HECTD4: variants seen among roughly 807,000 people sequenced by gnomAD.
The protein encoded by HECTD4 is probable E3 ubiquitin-protein ligase HECTD4.
In HECTD4, 114 loss-of-function variants were observed where a neutral mutation model predicts 471.5. The observed-to-expected ratio is 0.24, with a 90% CI of 0.21 to 0.28. The LOEUF (loss-of-function observed/expected upper bound fraction) is 0.28. HECTD4 is among the 10% of genes least tolerant of loss of function. The pLI is 1.00. For missense variants in HECTD4, 3,866 were observed against 5,651.5 expected, an observed-to-expected ratio of 0.68 and a Z score of 10.13; for synonymous variants, 2,012 against 2,256.0, an observed-to-expected ratio of 0.89 and a Z score of 3.07.
At chr12:112,280,066 C>T (rs1417393400) in intron 8 of HECTD4, among the ~76,000 whole-genome samples, 3 of 151,598 alleles carry the variant, frequency 2.0e-5, no homozygotes, top group African/African-American at 7.3e-5. Flanking sequence ...TTTTTTTTCC[C>T]ATTTTATATA....
At chr12:112,324,237 A>G (rs1478605172) in intron 1 of HECTD4, among the ~76,000 whole-genome samples, 1 of 149,814 alleles carries the variant, frequency 6.7e-6, no homozygotes, top group Non-Finnish European at 1.5e-5. Flanking sequence ...ATCCCACCTC[A>G]GCCTCCTGAG....
At position 112,231,540 on chromosome 12, in the gene HECTD4, C is replaced by G. The variant is rs1258349731; in HGVS notation, c.6173G>C (p.Cys2058Ser). The G allele has an allele frequency of 6.2e-7, 1 of 1,614,044 alleles. No homozygotes were observed. ...DKKKTAQTSI[C>S]RERNSELART... Reference sequence around the variant, plus strand: ...TGCAAGCTCCGAGTTCCTCTCTCGGCAAATGGAAGTTTGGGCAGTTTTCTT... The same window carrying G: ...TGCAAGCTCCGAGTTCCTCTCTCGGGAAATGGAAGTTTGGGCAGTTTTCTT... Residue 2058 changes from cysteine (C) to serine (S), a missense_variant, in exon 39 of 76, where the codon TGC becomes TCC. This residue lies in a region of HECTD4 where 617 missense variants were observed against 915.1 expected (regional missense o/e 0.67). Transcript: ENST00000682272.
intron 1 of HECTD4, among the ~76,000 whole-genome samples, chr12:112,340,057 A>G (rs747175625): frequency 6.6e-6 from 1 of 151,994 alleles, no homozygotes; most frequent in Non-Finnish European, 1.5e-5. Flanking sequence ...AAAAAAAAAG[A>G]AAAGAAAACT....
At position 112,162,654 on chromosome 12, in the gene HECTD4, G is replaced by C; in HGVS notation, c.13121-131C>G. Reference sequence around the variant, plus strand: ...AAGCCAATCCTGGGGCCCAGCAGGAGGGGGATGAGGGCCTGGGAACCTGCG... The same window carrying C: ...AAGCCAATCCTGGGGCCCAGCAGGACGGGGATGAGGGCCTGGGAACCTGCG... On this transcript the variant is annotated intron_variant, in intron 75 of 75. Transcript: ENST00000682272. This position sits in a 1 kb window ranked among gnomAD's most constrained non-coding sequence, Gnocchi z 5.2. 9.6e-7 allele frequency: 1 copy of C among 1,041,790 alleles called. No individual in the cohort carries two copies. The allele number at this position is 1,041,790 out of a possible 1,614,324, so 64.5% of individuals were successfully genotyped here. A position where few individuals can be genotyped will look rare whatever the true frequency, so the allele number is the denominator to read the frequency against.
In HECTD4 at chr12:112,178,853, G is replaced by A. The variant is rs565107306; in HGVS notation, c.11363+78C>T. 65 of 1,464,972 alleles carry A rather than the reference G, an allele frequency of 4.4e-5. No individual in the cohort carries two copies. In the East Asian group the frequency reaches 6.4e-4, roughly 14 times the overall value. The allele number at this position is 1,464,972 out of a possible 1,614,324, so 90.7% of individuals were successfully genotyped here. On this transcript the variant is annotated intron_variant, in intron 64 of 75. Coordinates refer to ENST00000682272, the MANE Select transcript of HECTD4 (RefSeq NM_001388303.1). ...ACCAGGCTCCTCCAGAGGAGCTGCC[G>A]CCCCTCAGGCTCCTGCTCGGAGGCC...
In HECTD4 at chr12:112,194,933, C is replaced by G; in HGVS notation, c.8701G>C (p.Glu2901Gln). The G allele has an allele frequency of 6.2e-7, 1 of 1,609,614 alleles. No homozygotes were observed. The highest frequency in any genetic ancestry group is 8.5e-7 in the Non-Finnish European group (1 of 1,178,150). ...TGATTGGACAGCAGTTGCAGGTGCTCCAGGGTAATGTCCCGGATGGCAGGG... is the reference window on the plus strand; with the variant it reads ...TGATTGGACAGCAGTTGCAGGTGCTGCAGGGTAATGTCCCGGATGGCAGGG... ...HIPAIRDITL[E>Q]HLQLLSNQLL... Residue 2901 changes from glutamate to glutamine, a missense_variant, in exon 56 of 76, where the codon GAG becomes CAG. This residue lies in a region of HECTD4 where 266 missense variants were observed against 441.6 expected (regional missense o/e 0.60). Transcript: ENST00000682272. The surrounding 1 kb of genome is among the most constrained non-coding windows in gnomAD (Gnocchi z 4.6).
chr12:112,282,211 G>A (rs575525166), intron 8 of HECTD4, among the ~76,000 whole-genome samples: 12 of 152,090 alleles, frequency 7.9e-5, no homozygotes, highest in East Asian at 3.9e-4. Context: ...GTGAAACCCC[G>A]TCTCTACTAA....
intron 1 of HECTD4, among the ~76,000 whole-genome samples, chr12:112,342,786 C>T (rs1258930641): frequency 1.3e-5 from 2 of 152,186 alleles, no homozygotes; most frequent in Non-Finnish European, 2.9e-5. Context: ...CCATGTCATA[C>T]CTATCTTCTG....
intron 1 of HECTD4, among the ~76,000 whole-genome samples, chr12:112,377,256 A>G (rs1351599051): frequency 6.6e-6 from 1 of 151,916 alleles, no homozygotes; most frequent in African/African-American, 2.4e-5. Flanking sequence ...ACAATATAGC[A>G]AGGCCCCAAC....
intron 2 of HECTD4, among the ~76,000 whole-genome samples, chr12:112,316,821 C>G (rs915067618): frequency 1.3e-5 from 2 of 148,836 alleles, no homozygotes; most frequent in Non-Finnish European, 3.0e-5. Flanking sequence ...AAGTCCAGAA[C>G]ATGATATTGG....
At chr12:112,256,615 TATG>T in intron 20 of HECTD4, 97 bp from the exon 21 acceptor site, 6 of 773,676 alleles carry the variant, frequency 7.8e-6, no homozygotes, top group Non-Finnish European at 1.1e-5. Flanking sequence ...CAGCATGCAG[TATG>T]ATAACACTGA....
chr12:112,210,054 G>A lies in HECTD4; in HGVS notation c.7828C>T (p.Pro2610Ser), dbSNP rs1331973048. The A allele has an allele frequency of 6.2e-7, 1 of 1,613,834 alleles. No individual in the cohort carries two copies. Among genetic ancestry groups the A allele is most frequent in the African/African-American group, 1.3e-5 (1 of 74,956 alleles). ...SIASDPGTHG[P>S]PCRIAAVATA... The stretch of plus-strand genomic sequence containing the variant: ...GCCACGGCAGCAATCCGGCATGGTG[G>A]CCCATGAGTGCCTGGGTCTGATGCA... Residue 2610 changes from proline to serine, a missense_variant, in exon 50 of 76, where the codon CCA becomes TCA. By Grantham distance (74) the Pro-to-Ser change is moderately conservative. This residue lies in a region of HECTD4 where 266 missense variants were observed against 441.6 expected (regional missense o/e 0.60). Transcript: ENST00000682272.
intron 7 of HECTD4, among the ~76,000 whole-genome samples, chr12:112,300,007 A>G (rs2035129015): frequency 6.6e-6 from 1 of 152,178 alleles, no homozygotes; most frequent in Non-Finnish European, 1.5e-5. Flanking sequence ...GGCAGGGGAC[A>G]CTGAACTATT....
chr12:112,264,231 C>T lies in HECTD4; in HGVS notation c.2620-19G>A. 6.5e-7 allele frequency: 1 copy of T among 1,546,314 alleles called. No individual in the cohort carries two copies. The highest frequency in any genetic ancestry group is 8.8e-7 in the Non-Finnish European group (1 of 1,142,506). On this transcript the variant is annotated intron_variant, in intron 16 of 75. Coordinates refer to ENST00000682272, the MANE Select transcript of HECTD4 (RefSeq NM_001388303.1). ...ATGCAGCCTTTAATACAAATAAGGG[C>T]ATTTAAATGATCTAAATCCTACTGA...
chr12:112,186,956 C>T (rs1325871962), intron 60 of HECTD4, among the ~76,000 whole-genome samples: 1 of 151,898 alleles, frequency 6.6e-6, no homozygotes, highest in Non-Finnish European at 1.5e-5. Context: ...ATGTGAGCCA[C>T]TGTACCTGGC....
chr12:112,245,485 T>A (rs1308254793), intron 29 of HECTD4, among the ~76,000 whole-genome samples: 1 of 152,200 alleles, frequency 6.6e-6, no homozygotes, highest in Non-Finnish European at 1.5e-5. Flanking sequence ...TAGCAGACCA[T>A]CCTGGCATGT....
chr12:112,340,847 T>G (rs1322308333), intron 1 of HECTD4, among the ~76,000 whole-genome samples: 3 of 152,174 alleles, frequency 2.0e-5, no homozygotes. Flanking sequence ...ATATAATTAT[T>G]AGGTACCAGA....
At chr12:112,219,832 T>C (rs961663602) in intron 44 of HECTD4, among the ~76,000 whole-genome samples, 3 of 152,098 alleles carry the variant, frequency 2.0e-5, no homozygotes, top group Non-Finnish European at 2.9e-5. Context: ...ACTCCTGACC[T>C]CAGGTGATCC....
intron 8 of HECTD4, among the ~76,000 whole-genome samples, chr12:112,281,944 T>C (rs1251013662): frequency 1.3e-5 from 2 of 152,220 alleles, no homozygotes; most frequent in Admixed American, 6.5e-5. Flanking sequence ...ATAATGGTTC[T>C]TAATGTTTTT....
Sources: allele counts gnomAD v4.1 joint callset (sites outside exome capture counted in the v4.1 genomes callset), GRCh38; gene constraint gnomAD v4.1.1; regional missense constraint gnomAD v4.1.1; non-coding constraint Gnocchi (gnomAD v3.1); transcripts MANE v1.5; gene names NCBI Gene and HGNC (gene_info 2026-07-23, HGNC 2026-07-21).